ABI3BP: variants seen among roughly 807,000 people sequenced by gnomAD.
ABI3BP encodes target of Nesh-SH3.
Under a neutral mutation model 268.6 loss-of-function variants are expected in ABI3BP, and 216 were observed. The ratio of observed to expected loss-of-function variants is 0.80; its 90% confidence interval spans 0.72 to 0.90. ABI3BP has a LOEUF of 0.90. ABI3BP is among the 40% of genes least tolerant of loss of function. The pLI is 0.00. For missense variants in ABI3BP, 2,090 were observed against 2,182.4 expected (o/e 0.96, Z 0.84); for synonymous variants, 730 against 730.0 (o/e 1.00, Z 0.00).
intron 59 of ABI3BP, among the ~76,000 whole-genome samples, chr3:100,777,802 C>T (rs778936921): frequency 2.0e-5 from 3 of 152,294 alleles, no homozygotes; most frequent in South Asian, 2.1e-4. Flanking sequence ...TAGGCCTTTC[C>T]GTCACCCTGA....
At chr3:100,844,191 CAT>C (rs2098741474) in intron 20 of ABI3BP, 12 of 985,416 alleles carry the variant, frequency 1.2e-5, no homozygotes, top group Non-Finnish European at 1.3e-5. Context: ...ATTTGACTCA[CAT>C]GTGTGTAGGA....
At chr3:100,786,950 T>G (rs1251338138) in intron 57 of ABI3BP, among the ~76,000 whole-genome samples, 1 of 152,144 alleles carries the variant, frequency 6.6e-6, no homozygotes, top group Non-Finnish European at 1.5e-5. Context: ...ATTATTCACA[T>G]CTCTTTTTCA....
chr3:100,915,717 A>G (rs749575890), intron 2 of ABI3BP, among the ~76,000 whole-genome samples: 26 of 152,214 alleles, frequency 1.7e-4, no homozygotes, highest in Non-Finnish European at 3.4e-4. Context: ...CATTAAACCC[A>G]GAATGCAAGG....
intron 59 of ABI3BP, among the ~76,000 whole-genome samples, chr3:100,776,978 GC>G (rs984871327): frequency 2.0e-5 from 3 of 152,186 alleles, no homozygotes; most frequent in African/African-American, 7.2e-5. Context: ...AGTCACAGCT[GC>G]CCCAGGTTAC....
intron 65 of ABI3BP, among the ~76,000 whole-genome samples, chr3:100,753,219 G>T (rs2095431145): frequency 1.3e-5 from 2 of 151,956 alleles, no homozygotes; most frequent in African/African-American, 2.4e-5. Context: ...GCAAATTTAG[G>T]TTTCTTTTTT....
At chr3:100,924,901 C>T (rs2061370910) in intron 2 of ABI3BP, among the ~76,000 whole-genome samples, 1 of 151,952 alleles carries the variant, frequency 6.6e-6, no homozygotes, top group South Asian at 2.1e-4. Context: ...TCCTAATGCT[C>T]AATGAAAAAA....
intron 12 of ABI3BP, chr3:100,863,793 C>T (rs749666895): frequency 3.2e-5 from 17 of 524,452 alleles, no homozygotes; most frequent in Non-Finnish European, 5.1e-5. Flanking sequence ...AAGAATCAAA[C>T]ATAATATTAA....
chr3:100,974,497 A>G (rs1379732938), intron 1 of ABI3BP, among the ~76,000 whole-genome samples: 2 of 152,210 alleles, frequency 1.3e-5, no homozygotes, highest in African/African-American at 4.8e-5. Context: ...AAAAAAACGG[A>G]CAAAAAAAGT....
At chr3:100,947,399 A>G (rs1206676545) in intron 1 of ABI3BP, among the ~76,000 whole-genome samples, 3 of 152,042 alleles carry the variant, frequency 2.0e-5, no homozygotes, top group African/African-American at 7.2e-5. Flanking sequence ...AACTGAATGA[A>G]TCCGTTTGAA....
chr3:100,931,459 A>G (rs1188704572), intron 1 of ABI3BP, among the ~76,000 whole-genome samples: 1 of 152,116 alleles, frequency 6.6e-6, no homozygotes, highest in African/African-American at 2.4e-5. Flanking sequence ...AAAATCCTGT[A>G]GTCTCTGCCA....
chr3:100,914,774 C>T (rs1009129858), intron 2 of ABI3BP, among the ~76,000 whole-genome samples: 3 of 152,144 alleles, frequency 2.0e-5, no homozygotes, highest in Non-Finnish European at 4.4e-5. Context: ...CTCCCAATGG[C>T]TCTGCCATAA....
At chr3:100,893,253 C>T (rs964660316) in intron 4 of ABI3BP, among the ~76,000 whole-genome samples, 3 of 152,144 alleles carry the variant, frequency 2.0e-5, no homozygotes, top group African/African-American at 7.2e-5. Flanking sequence ...AGACTGAAAG[C>T]TGCATTGTCA....
chr3:100,783,785 G>A lies in ABI3BP; in HGVS notation c.4163-3576C>T, dbSNP rs142567645. Among the ~76,000 whole-genome samples the A allele has an allele frequency of 2.5e-3, 383 of 152,288 alleles. 5 individuals carry two copies. The highest frequency in any genetic ancestry group is 8.6e-3 in the African/African-American group (359 of 41,570). On this transcript the variant is annotated intron_variant, in intron 57 of 67. Coordinates refer to ENST00000471714, the MANE Select transcript of ABI3BP (RefSeq NM_001375547.2). ...CATTGTACATAGCACAATGTGAAAC[G>A]TAGATGTGTTTCCAATAAAACTTTA...
chr3:100,961,216 AC>A (rs1253794825), intron 1 of ABI3BP, among the ~76,000 whole-genome samples: 1 of 152,158 alleles, frequency 6.6e-6, no homozygotes, highest in African/African-American at 2.4e-5. Flanking sequence ...AATATACCTC[AC>A]CCCAGCTGCT....
chr3:100,962,286 C>A (rs1422258783), intron 1 of ABI3BP, among the ~76,000 whole-genome samples: 1 of 152,156 alleles, frequency 6.6e-6, no homozygotes, highest in African/African-American at 2.4e-5. Context: ...CCTCTCCTTT[C>A]TTGTTCTGCA....
chr3:100,819,830 T>TC (rs776979994), intron 40 of ABI3BP, among the ~76,000 whole-genome samples: 32 of 150,092 alleles, frequency 2.1e-4, no homozygotes, highest in Non-Finnish European at 3.2e-4. Context: ...GCGCCTGCAA[T>TC]CCCAGCTACT....
intron 3 of ABI3BP, among the ~76,000 whole-genome samples, chr3:100,901,000 C>G (rs2050043365): frequency 6.6e-6 from 1 of 152,160 alleles, no homozygotes; most frequent in Non-Finnish European, 1.5e-5. Context: ...AATGAGTATT[C>G]ATCTGAAAAC....
At chr3:100,798,900 T>TA (rs2097437714) in intron 51 of ABI3BP, among the ~76,000 whole-genome samples, 1 of 152,170 alleles carries the variant, frequency 6.6e-6, no homozygotes, top group African/African-American at 2.4e-5. Context: ...TCCTTTATTC[T>TA]AACCTTGTAC....
chr3:100,880,070 G>A (rs764822037), intron 6 of ABI3BP, among the ~76,000 whole-genome samples: 1 of 152,118 alleles, frequency 6.6e-6, no homozygotes, highest in South Asian at 2.1e-4. Flanking sequence ...ACTGTTTTAC[G>A]TACAATGTTT....
Sources: allele counts gnomAD v4.1 joint callset (sites outside exome capture counted in the v4.1 genomes callset), GRCh38; gene constraint gnomAD v4.1.1; transcripts MANE v1.5; gene names NCBI Gene and HGNC (gene_info 2026-07-23, HGNC 2026-07-21).